BCKDHB: variants seen among roughly 807,000 people sequenced by gnomAD.
BCKDHB encodes the protein branched chain keto acid dehydrogenase E1 subunit beta.
BCKDHB carries 41 observed loss-of-function variants against 48.5 expected under a neutral mutation model. The observed-to-expected ratio is 0.85, with a 90% CI of 0.66 to 1.10. The LOEUF (loss-of-function observed/expected upper bound fraction) is 1.10. Ranked by LOEUF, BCKDHB falls within the 50% of genes least tolerant of loss-of-function variation. The pLI is 0.00. For missense variants in BCKDHB, 496 were observed against 494.2 expected, an observed-to-expected ratio of 1.00 and a Z score of -0.03; for synonymous variants, 201 against 174.8, an observed-to-expected ratio of 1.15 and a Z score of -1.18.
rs187226234 is a variant in BCKDHB, at chr6:80,238,356, C to T, written c.952-34779C>T. On this transcript the variant is annotated intron_variant, in intron 8 of 9. Transcript: ENST00000320393. ...TCAGGTCATCTGCTGGCCTTGGCCT[C>T]CCAAAGTGCTGGGATTACAGGCGTG... 3.1e-3 allele frequency among the ~76,000 whole-genome samples: 467 copies of T among 152,318 alleles called. 4 individuals are homozygous for T. The highest frequency in any genetic ancestry group is 0.01 in the African/African-American group (429 of 41,584).
chr6:80,162,984 G>A (rs1416897984), intron 3 of BCKDHB, among the ~76,000 whole-genome samples: 1 of 151,488 alleles, frequency 6.6e-6, no homozygotes, highest in Non-Finnish European at 1.5e-5. Flanking sequence ...GTGCAGTGGT[G>A]CCATCTCAGC....
At chr6:80,122,968 C>G (rs932219658) in intron 1 of BCKDHB, among the ~76,000 whole-genome samples, 1 of 142,216 alleles carries the variant, frequency 7.0e-6, no homozygotes, top group Non-Finnish European at 1.5e-5. Flanking sequence ...CCTTCCCCCC[C>G]TCCCCCCCGG....
chr6:80,296,734 A>T (rs1007442210), intron 9 of BCKDHB, among the ~76,000 whole-genome samples: 1 of 152,176 alleles, frequency 6.6e-6, no homozygotes, highest in East Asian at 1.9e-4. Context: ...GAAAAACTGA[A>T]TGATGCCCTT....
At chr6:80,302,395 C>G (rs751396159) in intron 9 of BCKDHB, among the ~76,000 whole-genome samples, 21 of 152,020 alleles carry the variant, frequency 1.4e-4, no homozygotes, top group Non-Finnish European at 2.6e-4. Context: ...TTTAAAACAA[C>G]TTTTAGATTT....
the BCKDHB span, among the ~76,000 whole-genome samples, chr6:80,423,277 G>A: frequency 6.6e-6 from 1 of 152,128 alleles, no homozygotes; most frequent in Non-Finnish European, 1.5e-5. Flanking sequence ...GGCCTCCTCA[G>A]CCATGTGAAA....
chr6:80,333,965 T>C (rs1326821535), intron 9 of BCKDHB, among the ~76,000 whole-genome samples: 2 of 152,122 alleles, frequency 1.3e-5, no homozygotes, highest in Non-Finnish European at 2.9e-5. Context: ...ATATGTACTT[T>C]GTGAAAATAG....
the BCKDHB span, among the ~76,000 whole-genome samples, chr6:80,376,691 A>G: frequency 1.3e-5 from 2 of 152,162 alleles, no homozygotes. Context: ...TCACTTGTTT[A>G]TCTGTAAAGA....
intron 6 of BCKDHB, among the ~76,000 whole-genome samples, chr6:80,173,911 A>G (rs1466416639): frequency 1.3e-5 from 2 of 151,230 alleles, no homozygotes; most frequent in African/African-American, 2.4e-5. Flanking sequence ...AGTTGTTTGG[A>G]ATGATATAAA....
chr6:80,409,993 T>C, the BCKDHB span, among the ~76,000 whole-genome samples: 1 of 152,158 alleles, frequency 6.6e-6, no homozygotes, highest in African/African-American at 2.4e-5. Flanking sequence ...CTCACTATGA[T>C]GTTAGCTGGT....
chr6:80,153,660 T>C (rs1771902353), intron 3 of BCKDHB, among the ~76,000 whole-genome samples: 1 of 152,198 alleles, frequency 6.6e-6, no homozygotes, highest in South Asian at 2.1e-4. Context: ...TCCTCAACAC[T>C]ATCCTGATAA....
chr6:80,325,770 A>G (rs1769001489), intron 9 of BCKDHB, among the ~76,000 whole-genome samples: 1 of 152,254 alleles, frequency 6.6e-6, no homozygotes, highest in African/African-American at 2.4e-5. Context: ...GATTAAAAAC[A>G]CATGAGCAAA....
intron 6 of BCKDHB, among the ~76,000 whole-genome samples, chr6:80,178,370 A>G (rs1349476596): frequency 6.6e-6 from 1 of 152,236 alleles, no homozygotes; most frequent in Non-Finnish European, 1.5e-5. Flanking sequence ...TTTGACGAAT[A>G]CATAATCTTG....
intron 8 of BCKDHB, among the ~76,000 whole-genome samples, chr6:80,230,263 C>T (rs902419648): frequency 5.3e-5 from 8 of 151,532 alleles, no homozygotes; most frequent in Non-Finnish European, 1.0e-4. Context: ...TGGTCTCGAT[C>T]TCCTGACCTC....
At chr6:80,267,821 G>A (rs1777576813) in intron 8 of BCKDHB, among the ~76,000 whole-genome samples, 1 of 151,944 alleles carries the variant, frequency 6.6e-6, no homozygotes, top group Admixed American at 6.6e-5. Flanking sequence ...TTATTTCTTT[G>A]TCAACATTAT....
At chr6:80,426,402 T>G in the BCKDHB span, among the ~76,000 whole-genome samples, 15 of 152,274 alleles carry the variant, frequency 9.9e-5, no homozygotes, top group African/African-American at 3.1e-4. Context: ...TTCTAGCATA[T>G]TAAGATGGAA....
At chr6:80,357,043 A>G in the BCKDHB span, among the ~76,000 whole-genome samples, 1 of 149,166 alleles carries the variant, frequency 6.7e-6, no homozygotes, top group Non-Finnish European at 1.5e-5. Context: ...TTAAAGTTTG[A>G]CTTTTTAAAT....
chr6:80,206,317 A>G (rs1446350828), intron 8 of BCKDHB, among the ~76,000 whole-genome samples: 1 of 152,088 alleles, frequency 6.6e-6, no homozygotes, highest in Non-Finnish European at 1.5e-5. Context: ...CAATCCTCTC[A>G]TTATCTGGAA....
intron 6 of BCKDHB, among the ~76,000 whole-genome samples, chr6:80,186,905 T>C (rs1382370301): frequency 6.6e-6 from 1 of 152,272 alleles, no homozygotes; most frequent in Non-Finnish European, 1.5e-5. Context: ...AGTGGGGATG[T>C]CTGTTCAGAG....
In BCKDHB at chr6:80,345,902, G is replaced by T. The variant is rs529629693; in HGVS notation, c.*2098G>T. 8 of 152,222 alleles carry T rather than the reference G, an allele frequency of 5.3e-5. No homozygotes were observed. Among genetic ancestry groups the T allele is most frequent in the Admixed American group, 3.9e-4 (6 of 15,296 alleles). 9.4% of individuals were successfully genotyped at this position (152,222 alleles called of 1,614,324 possible). A position where few individuals can be genotyped will look rare whatever the true frequency, so the allele number is the denominator to read the frequency against. On this transcript the variant is annotated 3_prime_UTR_variant, in exon 10 of 10. Transcript: ENST00000320393. Reference sequence around the variant, plus strand: ...GATAAAAGAAAAACAACTCCAATATGCTAAAAGTTAAATATGGTATTTAAG... The same window carrying T: ...GATAAAAGAAAAACAACTCCAATATTCTAAAAGTTAAATATGGTATTTAAG...
Sources: gnomAD v4.1 joint callset for allele counts (sites outside exome capture counted in the v4.1 genomes callset) on GRCh38, gnomAD v4.1.1 for gene constraint, MANE v1.5 for transcripts, NCBI Gene and HGNC (gene_info 2026-07-23, HGNC 2026-07-21) for gene names.